Variants in WDR70 observed in about 807,000 individuals in gnomAD.
WDR70 encodes the protein WD repeat-containing protein 70.
Under a neutral mutation model 88.6 loss-of-function variants are expected in WDR70, and 53 were observed. The ratio of observed to expected loss-of-function variants is 0.60; its 90% CI spans 0.48 to 0.75. The LOEUF (loss-of-function observed/expected upper bound fraction) is 0.75, where lower values mean the gene tolerates loss of function less well. WDR70 is among the 30% of genes least tolerant of loss of function. The pLI is 0.00. For missense variants in WDR70, 610 were observed against 823.2 expected (o/e 0.74, Z 3.17); for synonymous variants, 280 against 270.0 (o/e 1.04, Z -0.36).
chr5:37,748,919 G>T (rs1328950589), intron 17 of WDR70, among the ~76,000 whole-genome samples: 15 of 152,130 alleles, frequency 9.9e-5, no homozygotes, highest in Admixed American at 9.8e-4. Context: ...ACCACCTCAC[G>T]CCAGTGAGAA....
chr5:37,725,571 C>T (rs369540102), intron 16 of WDR70, among the ~76,000 whole-genome samples: 1 of 152,060 alleles, frequency 6.6e-6, no homozygotes, highest in Non-Finnish European at 1.5e-5. Flanking sequence ...TAGTATAGCA[C>T]GTACCTTGAC....
At chr5:37,624,975 A>G (rs1175020011) in intron 10 of WDR70, among the ~76,000 whole-genome samples, 1 of 152,178 alleles carries the variant, frequency 6.6e-6, no homozygotes, top group East Asian at 1.9e-4. Context: ...CAGAGGGAAA[A>G]TTAGAATAAT....
At position 37,711,300 on chromosome 5, in the gene WDR70, CA is replaced by C. The variant is rs545882802; in HGVS notation, c.1416+8215del. Among the ~76,000 whole-genome samples the C allele has an allele frequency of 2.6e-5, 4 of 152,298 alleles. No homozygotes were observed. In the East Asian group the frequency reaches 7.7e-4, roughly 29 times the overall value. ...ATTAAGCATACTTGGCCCAGTTTCT[CA>C]ATATTATTTTCCAGAGCTCATTCCT... is the stretch of plus-strand genomic sequence containing the variant. On this transcript the variant is annotated intron_variant, in intron 13 of 17. Transcript: ENST00000265107.
chr5:37,626,390 T>C (rs1359757154), intron 10 of WDR70, among the ~76,000 whole-genome samples: 1 of 152,224 alleles, frequency 6.6e-6, no homozygotes, highest in Non-Finnish European at 1.5e-5. Context: ...TTCATCCTTC[T>C]TTCTGTTGAT....
Position 37,626,004 on chromosome 5 carries a change from G to GTTT in WDR70, c.1092+20779_1092+20781dup, listed in dbSNP as rs75271863. 4.5e-4 allele frequency among the ~76,000 whole-genome samples: 63 copies of GTTT among 141,370 alleles called. 1 individual carries two copies. The highest frequency in any genetic ancestry group is 1.1e-3 in the African/African-American group (44 of 38,944). 92.7% of individuals were successfully genotyped at this position (141,370 alleles called of 152,430 possible). A position where few individuals can be genotyped will look rare whatever the true frequency, so the allele number is the denominator to read the frequency against. On this transcript the variant is annotated intron_variant, in intron 10 of 17. Transcript: ENST00000265107. ...GAATTCTGTTATGGGTTCTAAGAGAGTTTTTTTTTTTTTTTGTAGTAAAGT... is the reference window on the plus strand; with the variant it reads ...GAATTCTGTTATGGGTTCTAAGAGAGTTTTTTTTTTTTTTTTTTGTAGTAAAGT...
chr5:37,694,885 C>G, intron 10 of WDR70, among the ~76,000 whole-genome samples: 1 of 151,926 alleles, frequency 6.6e-6, no homozygotes, highest in East Asian at 1.9e-4. Context: ...AGTCATGCTA[C>G]TCCTCTGCCT....
intron 7 of WDR70, among the ~76,000 whole-genome samples, chr5:37,466,007 G>C (rs1333410023): frequency 6.6e-6 from 1 of 151,826 alleles, no homozygotes; most frequent in Non-Finnish European, 1.5e-5. Context: ...ACCTGTGACA[G>C]CATACTGTTA....
intron 13 of WDR70, among the ~76,000 whole-genome samples, chr5:37,719,848 T>G (rs527903091): frequency 6.8e-6 from 1 of 147,246 alleles, no homozygotes. Flanking sequence ...TTCTTTCTTT[T>G]TTTTTTTTTT....
chr5:37,589,892 G>A (rs547270916), intron 9 of WDR70, among the ~76,000 whole-genome samples: 9 of 152,216 alleles, frequency 5.9e-5, no homozygotes, highest in Non-Finnish European at 1.2e-4. Flanking sequence ...GTGAGCCACC[G>A]TGCCTAACTT....
intron 9 of WDR70, among the ~76,000 whole-genome samples, chr5:37,548,554 A>T (rs1742057496): frequency 6.6e-6 from 1 of 152,060 alleles, no homozygotes; most frequent in Non-Finnish European, 1.5e-5. Flanking sequence ...CCCTTGCCAG[A>T]TGGGTAGTTT....
At chr5:37,471,571 CTGTT>C (rs919563365) in intron 7 of WDR70, among the ~76,000 whole-genome samples, 2 of 151,464 alleles carry the variant, frequency 1.3e-5, no homozygotes, top group African/African-American at 4.9e-5. Flanking sequence ...TGTTTTGTCA[CTGTT>C]TGTGATGTCT....
At chr5:37,744,830 G>A (rs1748592974) in intron 17 of WDR70, among the ~76,000 whole-genome samples, 1 of 152,070 alleles carries the variant, frequency 6.6e-6, no homozygotes, top group Non-Finnish European at 1.5e-5. Flanking sequence ...GAAGAAGATG[G>A]AGAGAATGGA....
At chr5:37,735,970 G>A (rs1400089546) in intron 17 of WDR70, among the ~76,000 whole-genome samples, 1 of 152,138 alleles carries the variant, frequency 6.6e-6, no homozygotes, top group East Asian at 1.9e-4. Flanking sequence ...GATTATTTAA[G>A]TTTCATTCCT....
chr5:37,393,593 AATT>A (rs1748915504), intron 4 of WDR70, among the ~76,000 whole-genome samples: 1 of 152,112 alleles, frequency 6.6e-6, no homozygotes, highest in South Asian at 2.1e-4. Context: ...ATTAAAAAAA[AATT>A]TTTTTTATTG....
chr5:37,438,283 G>A (rs1750543052), intron 6 of WDR70, among the ~76,000 whole-genome samples: 1 of 152,088 alleles, frequency 6.6e-6, no homozygotes, highest in Non-Finnish European at 1.5e-5. Flanking sequence ...GCTTTTTATG[G>A]TGTGGGAAAA....
chr5:37,701,013 A>T, intron 11 of WDR70, 45 bp from the exon 12 acceptor site: 2 of 1,271,268 alleles, frequency 1.6e-6, no homozygotes, highest in Non-Finnish European at 2.3e-6. Flanking sequence ...TTCTTTTTGC[A>T]CAATTCACTT....
At chr5:37,398,012 T>C (rs1221303359) in intron 5 of WDR70, among the ~76,000 whole-genome samples, 1 of 149,262 alleles carries the variant, frequency 6.7e-6, no homozygotes, top group African/African-American at 2.5e-5. Flanking sequence ...AAAAAAGATA[T>C]AATCTCCAAA....
At position 37,442,283 on chromosome 5, in the gene WDR70, C is replaced by T. The variant is rs572764789; in HGVS notation, c.553-956C>T. On this transcript the variant is annotated intron_variant, in intron 6 of 17. Transcript: ENST00000265107. ...AACTCCCAACCTCAGGTGATCCGCC[C>T]GCCTTAGCCTCCCAAAGCGCTGGGA... Among the ~76,000 whole-genome samples the T allele has an allele frequency of 1.1e-3, 172 of 149,942 alleles. 1 individual carries two copies. Among genetic ancestry groups the T allele is most frequent in the African/African-American group, 4.0e-3 (162 of 40,772 alleles).
chr5:37,397,822 G>A (rs958880182), intron 5 of WDR70, among the ~76,000 whole-genome samples: 6 of 151,902 alleles, frequency 3.9e-5, no homozygotes, highest in Admixed American at 2.6e-4. Context: ...GTGAAACCCC[G>A]TCTCTACTAA....
Sources: gnomAD v4.1 joint callset for allele counts (sites outside exome capture counted in the v4.1 genomes callset) on GRCh38, gnomAD v4.1.1 for gene constraint, MANE v1.5 for transcripts, NCBI Gene and HGNC (gene_info 2026-07-23, HGNC 2026-07-21) for gene names.